Variants in KIAA1328 observed in about 807,000 individuals in gnomAD.
The protein encoded by KIAA1328 is KIAA1328.
Under a neutral mutation model 68.1 loss-of-function variants are expected in KIAA1328, and 52 were observed. The ratio of observed to expected loss-of-function variants is 0.76; its 90% CI spans 0.61 to 0.96. The LOEUF is 0.96. KIAA1328 is among the 40% of genes least tolerant of loss of function. The pLI, the probability that KIAA1328 is intolerant of heterozygous loss-of-function variation, is 0.00. For missense variants in KIAA1328, 641 were observed against 677.6 expected (o/e 0.95, Z 0.60); for synonymous variants, 232 against 239.4 (o/e 0.97, Z 0.28).
intron 6 of KIAA1328, among the ~76,000 whole-genome samples, chr18:36,978,777 G>A (rs1011766238): frequency 1.3e-5 from 2 of 152,130 alleles, no homozygotes; most frequent in African/African-American, 2.4e-5. Flanking sequence ...GCTTTGCCCA[G>A]TACTTCAAGA....
intron 9 of KIAA1328, among the ~76,000 whole-genome samples, chr18:37,175,963 T>G (rs2059590383): frequency 6.6e-6 from 1 of 152,210 alleles, no homozygotes; most frequent in Non-Finnish European, 1.5e-5. Flanking sequence ...TCATTCCATG[T>G]GCAGGTGAAA....
At chr18:37,089,380 T>G (rs2151827257) in intron 7 of KIAA1328, among the ~76,000 whole-genome samples, 1 of 147,702 alleles carries the variant, frequency 6.8e-6, no homozygotes, top group Admixed American at 6.7e-5. Context: ...GCTTTTTTTT[T>G]TTTTTTTTTT....
rs2057229906 is a variant in KIAA1328, at chr18:37,090,232, T to C, written c.1232+22687T>C. On this transcript the variant is annotated intron_variant, in intron 7 of 9. Coordinates refer to ENST00000280020, the MANE Select transcript of KIAA1328 (RefSeq NM_020776.3). ...AAATTCTTAATGCCTCACTTAAGTT[T>C]AATATTTTAAAAACAGTATTTTTAA... Among the ~76,000 whole-genome samples, 3 of 152,158 alleles carry C rather than the reference T, an allele frequency of 2.0e-5. No individual in the cohort carries two copies. The South Asian group carries it at 6.2e-4, about 32-fold the overall frequency.
chr18:36,883,076 T>A (rs1041062904), intron 4 of KIAA1328, among the ~76,000 whole-genome samples: 1 of 152,206 alleles, frequency 6.6e-6, no homozygotes, highest in Non-Finnish European at 1.5e-5. Flanking sequence ...TGAAAATAAA[T>A]GTTTCCATAT....
chr18:37,027,053 A>G (rs2054612059), intron 6 of KIAA1328, among the ~76,000 whole-genome samples: 1 of 151,780 alleles, frequency 6.6e-6, no homozygotes, highest in Non-Finnish European at 1.5e-5. Context: ...ATGTGCAAAA[A>G]TCACAAGCAT....
Position 37,223,106 on chromosome 18 carries a change from C to T in KIAA1328, c.*879C>T, listed in dbSNP as rs867178420. On this transcript the variant is annotated 3_prime_UTR_variant, in exon 10 of 10. Transcript: ENST00000280020. ...TGTGAACTTTCCATGGTTATGTCTA[C>T]GGAAAATGCCACTAGAGAGAGAGTG... The T allele has an allele frequency of 1.6e-5, 15 of 958,144 alleles. No individual in the cohort carries two copies. Among genetic ancestry groups the T allele is most frequent in the South Asian group, 1.0e-4 (2 of 19,812 alleles). 59.4% of individuals were successfully genotyped at this position (958,144 alleles called of 1,614,324 possible). A position where few individuals can be genotyped will look rare whatever the true frequency, so the allele number is the denominator to read the frequency against.
At chr18:36,886,603 G>T (rs1317877984) in intron 5 of KIAA1328, among the ~76,000 whole-genome samples, 3 of 151,992 alleles carry the variant, frequency 2.0e-5, no homozygotes, top group Non-Finnish European at 4.4e-5. Flanking sequence ...AGCTATTTCT[G>T]AATTTTCTTT....
In KIAA1328 at chr18:37,223,663, C is replaced by T. The variant is rs1010850113; in HGVS notation, c.*1436C>T. The T allele has an allele frequency of 6.1e-6, 6 of 985,204 alleles. No individual in the cohort carries two copies. The African/African-American group carries it at 1.0e-4, about 17-fold the overall frequency. 61.0% of individuals were successfully genotyped at this position (985,204 alleles called of 1,614,324 possible). A position where few individuals can be genotyped will look rare whatever the true frequency, so the allele number is the denominator to read the frequency against. ...ACCACCCAGGGCAGCCTGCATGCAG[C>T]GAGTCTGCGTGGCTTCCCTGAATTA... On this transcript the variant is annotated 3_prime_UTR_variant, in exon 10 of 10. Coordinates refer to ENST00000280020, the MANE Select transcript of KIAA1328 (RefSeq NM_020776.3).
intron 8 of KIAA1328, among the ~76,000 whole-genome samples, chr18:37,163,112 T>C (rs2059316542): frequency 6.6e-6 from 1 of 152,198 alleles, no homozygotes; most frequent in Admixed American, 6.5e-5. Context: ...ATTCCTCTTT[T>C]TTCCTCCCTT....
rs753810732 is a variant in KIAA1328, at chr18:36,959,288, C to T, written c.449-20C>T. Reference sequence around the variant, plus strand: ...TTTGAATCAATTTTTCAGTTTTTTTCCCTTAATTTGCAATCTCACCTCTTC... The same window carrying T: ...TTTGAATCAATTTTTCAGTTTTTTTTCCTTAATTTGCAATCTCACCTCTTC... On this transcript the variant is annotated intron_variant, in intron 5 of 9. Coordinates refer to ENST00000280020, the MANE Select transcript of KIAA1328 (RefSeq NM_020776.3). 3.9e-6 allele frequency: 6 copies of T among 1,546,724 alleles called. No homozygotes were observed. Among genetic ancestry groups the T allele is most frequent in the Admixed American group, 4.7e-5 (2 of 42,850 alleles).
chr18:37,214,513 C>A lies in KIAA1328; in HGVS notation c.1524-7504C>A, dbSNP rs372318092. Reference sequence around the variant, plus strand: ...TGTTCTGTTCCATTGTTCTATATCTCTGTTTTGGTACCAGTACCATGCTGT... The same window carrying A: ...TGTTCTGTTCCATTGTTCTATATCTATGTTTTGGTACCAGTACCATGCTGT... On this transcript the variant is annotated intron_variant, in intron 9 of 9. Transcript: ENST00000280020. Among the ~76,000 whole-genome samples the A allele has an allele frequency of 1.2e-3, 190 of 152,242 alleles. 2 individuals carry two copies. The South Asian group carries it at 0.037, about 30-fold the overall frequency.
chr18:37,149,245 C>G (rs2058975205), intron 7 of KIAA1328, among the ~76,000 whole-genome samples: 1 of 152,046 alleles, frequency 6.6e-6, no homozygotes, highest in Non-Finnish European at 1.5e-5. Flanking sequence ...ATAGAAGACA[C>G]AGAAATAAGA....
chr18:37,157,157 A>G (rs934220538), intron 7 of KIAA1328, among the ~76,000 whole-genome samples: 9 of 152,172 alleles, frequency 5.9e-5, no homozygotes, highest in Non-Finnish European at 1.2e-4. Context: ...TTCTTTAAAA[A>G]CAAGTTCTAG....
intron 7 of KIAA1328, among the ~76,000 whole-genome samples, chr18:37,094,965 AC>A (rs973640530): frequency 4.6e-5 from 7 of 151,202 alleles, no homozygotes; most frequent in Admixed American, 2.0e-4. Context: ...AAAAAAAAAA[AC>A]ATCAAAAGAG....
chr18:37,138,703 C>T (rs1225375957), intron 7 of KIAA1328, among the ~76,000 whole-genome samples: 3 of 152,076 alleles, frequency 2.0e-5, no homozygotes, highest in African/African-American at 4.8e-5. Context: ...ATACTGCCAT[C>T]GTAACACCTG....
chr18:37,140,811 ATGT>A (rs890903078), intron 7 of KIAA1328, among the ~76,000 whole-genome samples: 1 of 152,318 alleles, frequency 6.6e-6, no homozygotes, highest in East Asian at 1.9e-4. Flanking sequence ...TCAGTGAATG[ATGT>A]TGTTCTATTA....
intron 5 of KIAA1328, among the ~76,000 whole-genome samples, chr18:36,893,558 G>T (rs986996094): frequency 6.6e-6 from 1 of 151,556 alleles, no homozygotes; most frequent in Non-Finnish European, 1.5e-5. Context: ...CTGGGCTCAA[G>T]TGATCCTCCC....
intron 9 of KIAA1328, among the ~76,000 whole-genome samples, chr18:37,181,242 A>T (rs180972244): frequency 6.6e-6 from 1 of 152,270 alleles, no homozygotes. Context: ...AAAACGGACT[A>T]ATCTGGAAAC....
At chr18:37,197,325 T>G (rs1193463812) in intron 9 of KIAA1328, among the ~76,000 whole-genome samples, 2 of 152,106 alleles carry the variant, frequency 1.3e-5, no homozygotes, top group African/African-American at 4.8e-5. Context: ...TTATTTCTGC[T>G]CGGACCTTAT....
Sources: gnomAD v4.1 joint callset for allele counts (sites outside exome capture counted in the v4.1 genomes callset) on GRCh38, gnomAD v4.1.1 for gene constraint, MANE v1.5 for transcripts, NCBI Gene and HGNC (gene_info 2026-07-23, HGNC 2026-07-21) for gene names.